ABI3BP: variants seen among roughly 807,000 people sequenced by gnomAD.
ABI3BP encodes the protein target of Nesh-SH3.
A neutral mutation model predicts 268.6 loss-of-function variants in ABI3BP; 216 were observed. The ratio of observed to expected loss-of-function variants is 0.80; its 90% CI spans 0.72 to 0.90. The LOEUF is 0.90. ABI3BP is among the 40% of genes least tolerant of loss of function. The pLI is 0.00. For missense variants in ABI3BP, 2,090 were observed against 2,182.4 expected (o/e 0.96, Z 0.84); for synonymous variants, 730 against 730.0 (o/e 1.00, Z 0.00).
chr3:100,881,006 G>T (rs915093058), intron 6 of ABI3BP, among the ~76,000 whole-genome samples: 1 of 151,886 alleles, frequency 6.6e-6, no homozygotes, highest in Non-Finnish European at 1.5e-5. Context: ...TGAGAACTTG[G>T]GCATATTAGA....
intron 1 of ABI3BP, among the ~76,000 whole-genome samples, chr3:100,936,218 C>A (rs2066055017): frequency 6.6e-6 from 1 of 152,178 alleles, no homozygotes; most frequent in African/African-American, 2.4e-5. Context: ...GCCTTTTCTG[C>A]ATCTGTTGAG....
chr3:100,850,595 A>T, intron 16 of ABI3BP, 65 bp downstream of exon 16: 1 of 1,172,286 alleles, frequency 8.5e-7, no homozygotes. Context: ...TTTGGAAGAA[A>T]GGCATTCACA....
intron 1 of ABI3BP, among the ~76,000 whole-genome samples, chr3:100,981,690 C>T (rs1190087088): frequency 6.6e-6 from 1 of 152,176 alleles, no homozygotes; most frequent in East Asian, 1.9e-4. Context: ...CTTCCAGACT[C>T]CTTCAGGGAG....
intron 66 of ABI3BP, 31 bp downstream of exon 66, chr3:100,752,756 G>C (rs780431084): frequency 1.2e-6 from 2 of 1,606,012 alleles, no homozygotes; most frequent in Admixed American, 1.7e-5. Flanking sequence ...ATAAGTTAAG[G>C]GCTGAAAACA....
chr3:100,965,983 C>G (rs1444662936), intron 1 of ABI3BP, among the ~76,000 whole-genome samples: 1 of 152,108 alleles, frequency 6.6e-6, no homozygotes, highest in Non-Finnish European at 1.5e-5. Context: ...CAACCAAGGG[C>G]AAAGATGGGC....
At chr3:100,864,598 C>G (rs1244072438) in intron 11 of ABI3BP, 1 of 494,084 alleles carries the variant, frequency 2.0e-6, no homozygotes, top group African/African-American at 2.0e-5. Context: ...ATTTAGTTAG[C>G]AATTAGCATC....
intron 2 of ABI3BP, among the ~76,000 whole-genome samples, chr3:100,915,364 A>G (rs2058263558): frequency 6.6e-6 from 1 of 152,128 alleles, no homozygotes; most frequent in Non-Finnish European, 1.5e-5. Flanking sequence ...TGCCCCAACC[A>G]AATGCCCTAC....
rs567738578 is a variant in ABI3BP, at chr3:100,784,521, C to G, written c.4162+3207G>C. 1.4e-3 allele frequency among the ~76,000 whole-genome samples: 213 copies of G among 152,290 alleles called. 1 individual carries two copies. The highest frequency in any genetic ancestry group is 3.4e-3 in the Admixed American group (52 of 15,296). ...ACTACCATTCAACCCAGCAATACTA[C>G]TACTGGGTATCTACTTAGAGGAAAA... On this transcript the variant is annotated intron_variant, in intron 57 of 67. Transcript: ENST00000471714.
In ABI3BP at chr3:100,839,478, T is replaced by C. The variant is rs531852844; in HGVS notation, c.1945+91A>G. ...AGCGTGGGATGAAACTGTGATGAGG[T>C]GGTGGAACTGCAGTCATGCCTGTAA... On this transcript the variant is annotated intron_variant, in intron 24 of 67. Coordinates refer to ENST00000471714, the MANE Select transcript of ABI3BP (RefSeq NM_001375547.2). 5.4e-6 allele frequency: 7 copies of C among 1,288,604 alleles called. No homozygotes were observed. In the African/African-American group the frequency reaches 1.0e-4, roughly 19 times the overall value. 79.8% of individuals were successfully genotyped at this position (1,288,604 alleles called of 1,614,324 possible).
chr3:100,966,703 C>T (rs2081422745), intron 1 of ABI3BP, among the ~76,000 whole-genome samples: 1 of 152,050 alleles, frequency 6.6e-6, no homozygotes, highest in African/African-American at 2.4e-5. Flanking sequence ...TTCAAAATAC[C>T]TCCCCTGATC....
intron 63 of ABI3BP, among the ~76,000 whole-genome samples, chr3:100,758,875 G>C (rs1187792693): frequency 6.6e-6 from 1 of 152,164 alleles, no homozygotes; most frequent in Non-Finnish European, 1.5e-5. Context: ...CAACCTGTAG[G>C]CTTCTAGCCT....
At chr3:100,796,703 G>A (rs890013189) in intron 51 of ABI3BP, among the ~76,000 whole-genome samples, 1 of 152,094 alleles carries the variant, frequency 6.6e-6, no homozygotes, top group African/African-American at 2.4e-5. Flanking sequence ...TCATTTTGAA[G>A]TCTTCCTTGA....
At chr3:100,926,870 T>C (rs139164466) in intron 1 of ABI3BP, among the ~76,000 whole-genome samples, 1 of 152,236 alleles carries the variant, frequency 6.6e-6, no homozygotes, top group Non-Finnish European at 1.5e-5. Flanking sequence ...TTATGAGGCT[T>C]TCCAGTGCCA....
chr3:100,829,472 G>T, intron 33 of ABI3BP, 109 bp downstream of exon 33: 2 of 993,082 alleles, frequency 2.0e-6, no homozygotes, highest in Non-Finnish European at 3.0e-6. Context: ...GTTCCTCATT[G>T]CCTAGTCTGA....
chr3:100,838,454 T>C lies in ABI3BP; in HGVS notation c.1956A>G (p.Pro652=), dbSNP rs2098638316. ...EPLVPTTASK[P]SERPKTTHRP... Reference sequence around the variant, plus strand: ...TGTGTGTGGTTTTAGGTCTCTCAGATGGTTTTGAGGCTAAAGAAAAAGGTA... The same window carrying C: ...TGTGTGTGGTTTTAGGTCTCTCAGACGGTTTTGAGGCTAAAGAAAAAGGTA... The change falls in exon 25 of 68, where the codon CCA becomes CCG. Residue 652 remains proline, a synonymous_variant. Coordinates refer to ENST00000471714, the MANE Select transcript of ABI3BP (RefSeq NM_001375547.2). 3 of 1,535,568 alleles carry C rather than the reference T, an allele frequency of 2.0e-6. No individual in the cohort carries two copies. Among genetic ancestry groups the C allele is most frequent in the African/African-American group, 2.7e-5 (2 of 73,010 alleles).
intron 51 of ABI3BP, among the ~76,000 whole-genome samples, chr3:100,799,897 C>T (rs2097474087): frequency 6.6e-6 from 1 of 152,190 alleles, no homozygotes; most frequent in Admixed American, 6.6e-5. Flanking sequence ...ACATCTTCAA[C>T]CATCAGTTAG....
Position 100,839,663 on chromosome 3 carries a change from T to A in ABI3BP, c.1898-47A>T, listed in dbSNP as rs1033418403. ...ACATGAAATATTTCAAGAAGTGGCA[T>A]CGTGAGGAGGGAGACATTATGCCTC... On this transcript the variant is annotated intron_variant, in intron 23 of 67. Coordinates refer to ENST00000471714, the MANE Select transcript of ABI3BP (RefSeq NM_001375547.2). 3.9e-6 allele frequency: 6 copies of A among 1,525,016 alleles called. No homozygotes were observed. In the African/African-American group the frequency reaches 8.2e-5, roughly 21 times the overall value. 94.5% of individuals were successfully genotyped at this position (1,525,016 alleles called of 1,614,324 possible). A position where few individuals can be genotyped will look rare whatever the true frequency, so the allele number is the denominator to read the frequency against.
intron 29 of ABI3BP, among the ~76,000 whole-genome samples, chr3:100,834,060 TC>T (rs2098537996): frequency 6.6e-6 from 1 of 152,174 alleles, no homozygotes; most frequent in South Asian, 2.1e-4. Flanking sequence ...AGTCTCGACT[TC>T]CTGGGCTCAA....
intron 1 of ABI3BP, among the ~76,000 whole-genome samples, chr3:100,982,218 A>C (rs1007232204): frequency 2.6e-5 from 4 of 152,090 alleles, no homozygotes; most frequent in African/African-American, 9.6e-5. Context: ...ACCAAGTTCC[A>C]CCCTCCACGT....
Sources: allele counts gnomAD v4.1 joint callset (sites outside exome capture counted in the v4.1 genomes callset), GRCh38; gene constraint gnomAD v4.1.1; transcripts MANE v1.5; gene names NCBI Gene and HGNC (gene_info 2026-07-23, HGNC 2026-07-21).